Variants in LTBP1 observed in about 807,000 individuals in gnomAD.
LTBP1 encodes latent-transforming growth factor beta-binding protein 1.
In LTBP1, 129 loss-of-function variants were observed where a neutral mutation model predicts 207.6. The ratio of observed to expected loss-of-function variants is 0.62; its 90% confidence interval spans 0.54 to 0.72. The LOEUF (loss-of-function observed/expected upper bound fraction) is 0.72. LTBP1 is among the 30% of genes least tolerant of loss of function. The probability of loss-of-function intolerance (pLI) is 0.00; values close to 1 mark genes in which losing one functional copy is unlikely to be tolerated. For synonymous variants in LTBP1, 963 were observed against 833.7 expected (o/e 1.16, Z -2.67); for missense variants, 2,281 against 2,217.2 (o/e 1.03, Z -0.58).
chr2:33,175,921 C>T (rs766172231), intron 5 of LTBP1, among the ~76,000 whole-genome samples: 4 of 115,510 alleles, frequency 3.5e-5, no homozygotes, highest in Admixed American at 1.8e-4. Flanking sequence ...AACCAGACAC[C>T]GCATATCCTC....
intron 7 of LTBP1, among the ~76,000 whole-genome samples, chr2:33,214,027 T>C (rs1048554929): frequency 2.6e-5 from 4 of 152,222 alleles, no homozygotes; most frequent in Non-Finnish European, 5.9e-5. Context: ...AAGGTGAAAA[T>C]TGGATTTTAA....
intron 2 of LTBP1, among the ~76,000 whole-genome samples, chr2:33,010,253 AAAAGTGGATGCACAAGGCTGATTG>A (rs1419876997): frequency 1.3e-5 from 2 of 152,206 alleles, no homozygotes; most frequent in Non-Finnish European, 2.9e-5. Context: ...GGAAAAGCGG[AAAAGTGGATGCACAAGGCTGATTG>A]AAGGGAGTTC....
At chr2:33,087,084 CTTTTTTT>C (rs35334788) in intron 3 of LTBP1, among the ~76,000 whole-genome samples, 1 of 88,984 alleles carries the variant, frequency 1.1e-5, no homozygotes, top group East Asian at 2.8e-4. Flanking sequence ...CTCCTTTATG[CTTTTTTT>C]TTTTTTTTTT....
chr2:33,295,593 G>A (rs1573678314), intron 20 of LTBP1, among the ~76,000 whole-genome samples: 1 of 151,782 alleles, frequency 6.6e-6, no homozygotes. Context: ...CATTTTTGGT[G>A]GTACACTGTT....
At chr2:32,998,272 C>T (rs1045555800) in intron 2 of LTBP1, among the ~76,000 whole-genome samples, 3 of 151,954 alleles carry the variant, frequency 2.0e-5, no homozygotes, top group Non-Finnish European at 4.4e-5. Flanking sequence ...AATCCCAGCA[C>T]TCTGGGAGGC....
At chr2:33,044,180 A>T (rs968963351) in intron 3 of LTBP1, among the ~76,000 whole-genome samples, 1 of 151,892 alleles carries the variant, frequency 6.6e-6, no homozygotes, top group African/African-American at 2.4e-5. Flanking sequence ...AGAACATGGC[A>T]GGTATACACA....
At chr2:33,185,036 G>C (rs903164541) in intron 5 of LTBP1, among the ~76,000 whole-genome samples, 1 of 152,186 alleles carries the variant, frequency 6.6e-6, no homozygotes, top group Admixed American at 6.5e-5. Context: ...GGCAGAGTCT[G>C]AAAGATATGT....
intron 16 of LTBP1, 28 bp downstream of exon 16, chr2:33,273,809 A>T: frequency 6.4e-7 from 1 of 1,564,740 alleles, no homozygotes; most frequent in Non-Finnish European, 8.6e-7. Context: ...TGACTAAATT[A>T]TTAAATATCA....
chr2:33,374,036 C>A (rs185752597), intron 31 of LTBP1, among the ~76,000 whole-genome samples: 6 of 152,170 alleles, frequency 3.9e-5, no homozygotes, highest in African/African-American at 1.4e-4. Context: ...CTCTTAGACG[C>A]TCCCAAAGAT....
At chr2:33,236,319 G>A (rs1351242867) in intron 9 of LTBP1, among the ~76,000 whole-genome samples, 1 of 152,148 alleles carries the variant, frequency 6.6e-6, no homozygotes, top group African/African-American at 2.4e-5. Flanking sequence ...TGGCTCAGTG[G>A]GAACTGATAG....
chr2:33,318,931 C>A (rs146818639), intron 24 of LTBP1, among the ~76,000 whole-genome samples: 75 of 151,980 alleles, frequency 4.9e-4, no homozygotes, highest in African/African-American at 1.6e-3. Flanking sequence ...TCTGTCTCTA[C>A]AAAGAAAAAT....
chr2:33,108,596 C>G (rs1436383002), intron 3 of LTBP1, among the ~76,000 whole-genome samples: 1 of 152,114 alleles, frequency 6.6e-6, no homozygotes, highest in African/African-American at 2.4e-5. Context: ...AAACCCCATA[C>G]TCTTACTTTT....
chr2:33,153,375 G>C (rs577665316), intron 5 of LTBP1, among the ~76,000 whole-genome samples: 43 of 152,176 alleles, frequency 2.8e-4, no homozygotes, highest in Non-Finnish European at 5.6e-4. Flanking sequence ...TGACTCCTTG[G>C]TGGCCTGAAG....
chr2:33,035,365 T>C (rs1016372), intron 3 of LTBP1, among the ~76,000 whole-genome samples: 1 of 152,214 alleles, frequency 6.6e-6, no homozygotes, highest in Non-Finnish European at 1.5e-5. Context: ...GAAAGTGTTT[T>C]GAAAAATTAG....
At chr2:33,111,807 T>C (rs1413299137) in intron 4 of LTBP1, among the ~76,000 whole-genome samples, 3 of 152,144 alleles carry the variant, frequency 2.0e-5, no homozygotes, top group Non-Finnish European at 4.4e-5. Context: ...GTATGGTTTA[T>C]TGGGATGTTG....
At chr2:33,282,062 CATAT>C (rs66505403) in intron 19 of LTBP1, among the ~76,000 whole-genome samples, 39,284 of 142,750 alleles carry the variant, frequency 0.28, 5,368 homozygotes, top group African/African-American at 0.31. Context: ...CCTATATGTG[CATAT>C]ATATATATAT....
At chr2:33,088,160 A>T (rs2078864526) in intron 3 of LTBP1, among the ~76,000 whole-genome samples, 1 of 152,236 alleles carries the variant, frequency 6.6e-6, no homozygotes, top group African/African-American at 2.4e-5. Context: ...CTCTTGTTAA[A>T]TATGGACAGT....
intron 24 of LTBP1, among the ~76,000 whole-genome samples, chr2:33,316,677 G>A (rs1204997843): frequency 6.6e-6 from 1 of 152,188 alleles, no homozygotes; most frequent in African/African-American, 2.4e-5. Flanking sequence ...CCCTGCTTCA[G>A]TGGTTCAAGT....
chr2:33,035,067 G>C (rs1251307806), intron 3 of LTBP1, among the ~76,000 whole-genome samples: 2 of 152,144 alleles, frequency 1.3e-5, no homozygotes, highest in Non-Finnish European at 2.9e-5. Flanking sequence ...CCTTTCTTTG[G>C]ATGCCGTAGC....
Sources: allele counts gnomAD v4.1 joint callset (sites outside exome capture counted in the v4.1 genomes callset), GRCh38; gene constraint gnomAD v4.1.1; transcripts MANE v1.5; gene names NCBI Gene and HGNC (gene_info 2026-07-23, HGNC 2026-07-21).